Variants in TSHZ1 observed in about 807,000 individuals in gnomAD.
The protein encoded by TSHZ1 is teashirt zinc finger homeobox 1, also known as teashirt homolog 1.
TSHZ1 carries 12 observed loss-of-function variants against 67.1 expected under a neutral mutation model. The ratio of observed to expected loss-of-function variants is 0.18; its 90% CI spans 0.11 to 0.29. TSHZ1 has a LOEUF of 0.29. Ranked by LOEUF, TSHZ1 falls within the 10% of genes least tolerant of loss-of-function variation. The pLI is 1.00. For synonymous variants in TSHZ1, 632 were observed against 622.4 expected (o/e 1.02, Z -0.23); for missense variants, 1,305 against 1,413.9 (o/e 0.92, Z 1.23).
chr18:75,230,030 T>C (rs1364896719), intron 1 of TSHZ1, among the ~76,000 whole-genome samples: 1 of 152,234 alleles, frequency 6.6e-6, no homozygotes, highest in African/African-American at 2.4e-5. Flanking sequence ...AATCCTATTA[T>C]GGTTTATAGG....
At position 75,285,663 on chromosome 18, in the gene TSHZ1, G is replaced by A. The variant is rs756922800; in HGVS notation, c.256G>A (p.Ala86Thr). 25 of 1,614,024 alleles carry A rather than the reference G, an allele frequency of 1.5e-5. No homozygotes were observed. Among genetic ancestry groups the A allele is most frequent in the Non-Finnish European group, 2.0e-5 (24 of 1,180,014 alleles). Residue 86 changes from alanine (A) to threonine (T), a missense_variant, in exon 2 of 2, where the codon GCC becomes ACC. Ala to Thr is a moderately conservative substitution (Grantham distance 58). Around this residue, in one of 3 missense-constraint regions of TSHZ1, gnomAD observed 358 missense variants for 375.6 expected, o/e 0.95. Coordinates refer to ENST00000580243, the MANE Select transcript of TSHZ1 (RefSeq NM_001308210.2). ...CTTCAGTGAGAGCAGCGACCAGCTA[G>A]CCCATTTCAAAGGCTCTTCCTCTCG... is the stretch of plus-strand genomic sequence containing the variant. ...SPFSESSDQL[A>T]HFKGSSSREE...
intron 1 of TSHZ1, among the ~76,000 whole-genome samples, chr18:75,232,427 T>C (rs768287054): frequency 4.6e-5 from 7 of 152,252 alleles, no homozygotes; most frequent in Non-Finnish European, 8.8e-5. Flanking sequence ...ACCATGTAGC[T>C]GTAAGATGTT....
Position 75,228,811 on chromosome 18 carries a change from A to G in TSHZ1, c.40+16895A>G, listed in dbSNP as rs372752331. On this transcript the variant is annotated intron_variant, in intron 1 of 1. Transcript: ENST00000580243. Reference sequence around the variant, plus strand: ...GAAAATGGTGGAGATGGTCTAGTGCATTTGTCCTTTCTTCCAGGAGCACGG... The same window carrying G: ...GAAAATGGTGGAGATGGTCTAGTGCGTTTGTCCTTTCTTCCAGGAGCACGG... Among the ~76,000 whole-genome samples the G allele has an allele frequency of 3.5e-4, 53 of 152,238 alleles. No homozygotes were observed. In the South Asian group the frequency reaches 0.011, roughly 32 times the overall value.
chr18:75,245,874 A>G (rs2023215157), intron 1 of TSHZ1, among the ~76,000 whole-genome samples: 1 of 152,108 alleles, frequency 6.6e-6, no homozygotes, highest in African/African-American at 2.4e-5. Flanking sequence ...ATGTACCATA[A>G]CAGAAAAAAA....
chr18:75,229,213 A>T (rs2122531411), intron 1 of TSHZ1, among the ~76,000 whole-genome samples: 1 of 152,358 alleles, frequency 6.6e-6, no homozygotes, highest in African/African-American at 2.4e-5. Context: ...AGCCCACCTC[A>T]GCTTTGATGC....
In TSHZ1 at chr18:75,286,825, C is replaced by T. The variant is rs2023773965; in HGVS notation, c.1418C>T (p.Thr473Ile). The T allele has an allele frequency of 1.2e-6, 2 of 1,613,848 alleles. No individual in the cohort carries two copies. The highest frequency in any genetic ancestry group is 1.3e-5 in the African/African-American group (1 of 74,932). ...ATCCAGTCCATCCCACTACCGCCCA[C>T]CACCCACACGCGGCTGCCGGCCTCC... is the stretch of plus-strand genomic sequence containing the variant. ...EKIQSIPLPP[T>I]THTRLPASSI... The change falls in exon 2 of 2, where the codon ACC (threonine) becomes ATC (isoleucine). Residue 473 changes from threonine (T) to isoleucine (I), a missense_variant. Transcript: ENST00000580243. This position sits in a 1 kb window ranked among gnomAD's most constrained non-coding sequence, Gnocchi z 5.1.
At chr18:75,282,158 T>A (rs2023695445) in intron 1 of TSHZ1, among the ~76,000 whole-genome samples, 1 of 152,256 alleles carries the variant, frequency 6.6e-6, no homozygotes, top group South Asian at 2.1e-4. Context: ...ATGAGATACA[T>A]TGTAGCTCAG....
At chr18:75,250,237 C>T (rs1353401570) in intron 1 of TSHZ1, among the ~76,000 whole-genome samples, 4 of 152,116 alleles carry the variant, frequency 2.6e-5, no homozygotes, top group Non-Finnish European at 5.9e-5. Context: ...GGGTGACCTC[C>T]TGGCTGGCCC....
rs371134848 is a variant in TSHZ1 at position 75,269,409 on chromosome 18, C to T, written c.41-16039C>T. On this transcript the variant is annotated intron_variant, in intron 1 of 1. Transcript: ENST00000580243. ...CAGCAGGAAGACAGATCACTAGACC[C>T]GTGGTTACCTCCCCTGTGCTATGAT... 1.1e-4 allele frequency among the ~76,000 whole-genome samples: 16 copies of T among 152,076 alleles called. No homozygotes were observed. In the East Asian group the frequency reaches 2.7e-3, roughly 26 times the overall value.
chr18:75,237,791 C>CATTTATTTATTTATTTATTT (rs1555726446), intron 1 of TSHZ1, among the ~76,000 whole-genome samples: 4 of 143,570 alleles, frequency 2.8e-5, no homozygotes, highest in African/African-American at 1.1e-4. Flanking sequence ...TTCTTTCTTT[C>CATTTATTTATTTATTTATTT]ATTTATTTAT....
At position 75,286,229 on chromosome 18, in the gene TSHZ1, C is replaced by T; in HGVS notation, c.822C>T (p.Asp274=). 1.9e-6 allele frequency: 3 copies of T among 1,614,038 alleles called. No individual in the cohort carries two copies. Among genetic ancestry groups the T allele is most frequent in the South Asian group, 2.2e-5 (2 of 91,070 alleles). ...HMNETGHYRD[D]NRDKDSEKTK... The stretch of plus-strand genomic sequence containing the variant: ...ACGAGACAGGCCACTACCGTGACGA[C>T]AACAGGGACAAGGACTCCGAGAAGA... Residue 274 remains aspartate (D), a synonymous_variant, in exon 2 of 2, where the codon GAC becomes GAT. Coordinates refer to ENST00000580243, the MANE Select transcript of TSHZ1 (RefSeq NM_001308210.2). This position sits in a 1 kb window ranked among gnomAD's most constrained non-coding sequence, Gnocchi z 5.1.
intron 1 of TSHZ1, among the ~76,000 whole-genome samples, chr18:75,240,812 G>T (rs1225174333): frequency 2.0e-5 from 3 of 152,186 alleles, no homozygotes; most frequent in Non-Finnish European, 4.4e-5. Context: ...ATTGCACAAT[G>T]TTGCAACCAT....
intron 1 of TSHZ1, among the ~76,000 whole-genome samples, chr18:75,235,049 G>A (rs1486395479): frequency 6.6e-6 from 1 of 151,994 alleles, no homozygotes; most frequent in East Asian, 1.9e-4. Context: ...GGTTCCTGGT[G>A]CTTGTGAGCC....
In TSHZ1 at chr18:75,287,641, C is replaced by T; in HGVS notation, c.2234C>T (p.Pro745Leu). 4 of 1,614,190 alleles carry T rather than the reference C, an allele frequency of 2.5e-6. No individual in the cohort carries two copies. Among genetic ancestry groups the T allele is most frequent in the Non-Finnish European group, 3.4e-6 (4 of 1,180,042 alleles). ...DHSPEPSFIN[P>L]LSALQSIMNT... ...TCACCGGAGCCTTCCTTCATCAACC[C>T]GCTGAGCGCTTTGCAGTCCATCATG... is the stretch of plus-strand genomic sequence containing the variant. The change falls in exon 2 of 2, where the codon CCG becomes CTG. Residue 745 changes from proline to leucine, a missense_variant. Pro to Leu is a moderately conservative substitution (Grantham distance 98). Coordinates refer to ENST00000580243, the MANE Select transcript of TSHZ1 (RefSeq NM_001308210.2). This position sits in a 1 kb window ranked among gnomAD's most constrained non-coding sequence, Gnocchi z 5.0.
chr18:75,263,672 T>A (rs1232841215), intron 1 of TSHZ1, among the ~76,000 whole-genome samples: 4 of 152,260 alleles, frequency 2.6e-5, no homozygotes, highest in Non-Finnish European at 4.4e-5. Flanking sequence ...TGTATCAACA[T>A]TTCATACAGA....
chr18:75,268,071 A>C (rs752317248), intron 1 of TSHZ1, among the ~76,000 whole-genome samples: 5 of 152,224 alleles, frequency 3.3e-5, no homozygotes, highest in Non-Finnish European at 7.3e-5. Flanking sequence ...TTAAATTATT[A>C]GATAATTTGG....
rs571928522 is a variant in TSHZ1 at position 75,229,089 on chromosome 18, G to T, written c.40+17173G>T. 3.3e-5 allele frequency among the ~76,000 whole-genome samples: 5 copies of T among 152,396 alleles called. No individual in the cohort carries two copies. The South Asian group carries it at 1.0e-3, about 32-fold the overall frequency. ...GTGAGTGAGGGGTTGGCCACAGTCAGCCCTGGGCGGGGCAGGTGTTGGGCG... is the reference window on the plus strand; with the variant it reads ...GTGAGTGAGGGGTTGGCCACAGTCATCCCTGGGCGGGGCAGGTGTTGGGCG... On this transcript the variant is annotated intron_variant, in intron 1 of 1. Transcript: ENST00000580243.
intron 1 of TSHZ1, among the ~76,000 whole-genome samples, chr18:75,254,918 TC>T (rs1399988214): frequency 6.6e-6 from 1 of 152,198 alleles, no homozygotes; most frequent in African/African-American, 2.4e-5. Context: ...AAGGGTAAAC[TC>T]CCAATTATCC....
intron 1 of TSHZ1, among the ~76,000 whole-genome samples, chr18:75,279,859 G>A (rs189880368): frequency 7.3e-4 from 111 of 152,326 alleles, no homozygotes; most frequent in African/African-American, 2.4e-3. Context: ...GCTGGTAGAC[G>A]TTCCGTGAAA....
Sources: allele counts gnomAD v4.1 joint callset (sites outside exome capture counted in the v4.1 genomes callset), GRCh38; gene constraint gnomAD v4.1.1; regional missense constraint gnomAD v4.1.1; non-coding constraint Gnocchi (gnomAD v3.1); transcripts MANE v1.5; gene names NCBI Gene and HGNC (gene_info 2026-07-23, HGNC 2026-07-21).